The following PCDHGA1 variants were observed in gnomAD, a reference collection of about 807,000 sequenced individuals.
PCDHGA1 encodes protocadherin gamma-A1.
Under a neutral mutation model 58.0 loss-of-function variants are expected in PCDHGA1, and 32 were observed. The ratio of observed to expected loss-of-function variants is 0.55; its 90% CI spans 0.42 to 0.74. PCDHGA1 has a LOEUF of 0.74. PCDHGA1 is among the 30% of genes least tolerant of loss of function. PCDHGA1 has a pLI of 0.00. For missense variants in PCDHGA1, 1,205 were observed against 1,182.3 expected (o/e 1.02, Z -0.28); for synonymous variants, 498 against 501.1 (o/e 0.99, Z 0.08).
chr5:141,419,426 G>A (rs753089031), intron 1 of PCDHGA1: 19 of 1,613,194 alleles, frequency 1.2e-5, no homozygotes, highest in Non-Finnish European at 1.5e-5. Context: ...CTTCGACCAC[G>A]AGCAGCTGCG....
chr5:141,351,459 T>C lies in PCDHGA1; in HGVS notation c.2421+18354T>C, dbSNP rs770562462. On this transcript the variant is annotated intron_variant, in intron 1 of 3. Coordinates refer to ENST00000517417, the MANE Select transcript of PCDHGA1 (RefSeq NM_018912.3). ...TCCACCTCGAAGAATTATTACAAGC[T>C]GGTGATTGCTGGAGCCCTAAACCGG... 17 of 1,613,546 alleles carry C rather than the reference T, an allele frequency of 1.1e-5. No individual in the cohort carries two copies. In the South Asian group the frequency reaches 1.9e-4, roughly 18 times the overall value.
At chr5:141,503,801 G>A (rs920669425) in intron 2 of PCDHGA1, among the ~76,000 whole-genome samples, 1 of 151,990 alleles carries the variant, frequency 6.6e-6, no homozygotes, top group Admixed American at 6.6e-5. Flanking sequence ...ACTTAGGGAC[G>A]GGGAATCCCA....
At chr5:141,502,782 T>C (rs1200280465) in intron 2 of PCDHGA1, among the ~76,000 whole-genome samples, 1 of 152,132 alleles carries the variant, frequency 6.6e-6, no homozygotes, top group African/African-American at 2.4e-5. Context: ...GAAAATTACC[T>C]GGATGATTTC....
At chr5:141,468,960 T>TC (rs1562019766) in intron 1 of PCDHGA1, among the ~76,000 whole-genome samples, 1 of 151,348 alleles carries the variant, frequency 6.6e-6, no homozygotes, top group African/African-American at 2.4e-5. Flanking sequence ...TGGTTTTTTT[T>TC]ACCTTAGGCT....
At chr5:141,462,071 C>T (rs1473972601) in intron 1 of PCDHGA1, among the ~76,000 whole-genome samples, 1 of 152,214 alleles carries the variant, frequency 6.6e-6, no homozygotes, top group African/African-American at 2.4e-5. Context: ...GATCTGCCCG[C>T]CTTGGCCTCC....
Position 141,487,367 on chromosome 5 carries a change from G to A in PCDHGA1, c.2422-7440G>A. 1 of 1,614,204 alleles carries A rather than the reference G, an allele frequency of 6.2e-7. No individual in the cohort carries two copies. The highest frequency in any genetic ancestry group is 8.5e-7 in the Non-Finnish European group (1 of 1,180,030). ...CACATGCTTTCCTGCTGGCACCTGT[G>A]CCTGTCTCACCAGATCTCGAAGGAG... On this transcript the variant is annotated intron_variant, in intron 1 of 3. Coordinates refer to ENST00000517417, the MANE Select transcript of PCDHGA1 (RefSeq NM_018912.3). This position sits in a 1 kb window ranked among gnomAD's most constrained non-coding sequence, Gnocchi z 5.0.
intron 1 of PCDHGA1, chr5:141,357,701 A>T: frequency 6.7e-7 from 1 of 1,500,850 alleles, no homozygotes; most frequent in Non-Finnish European, 8.9e-7. Flanking sequence ...TTTATATGTA[A>T]TATATCAAAT....
chr5:141,456,703 G>A (rs528071544), intron 1 of PCDHGA1, among the ~76,000 whole-genome samples: 37 of 152,180 alleles, frequency 2.4e-4, no homozygotes, highest in Non-Finnish European at 4.9e-4. Context: ...GGTGGCTCGC[G>A]CCTGTAATCC....
chr5:141,408,863 C>T, intron 1 of PCDHGA1: 1 of 1,613,604 alleles, frequency 6.2e-7, no homozygotes, highest in Non-Finnish European at 8.5e-7. Context: ...AGGGGACCCA[C>T]CAAGAAGTGC....
chr5:141,414,498 C>CT (rs748856262), intron 1 of PCDHGA1: 40 of 1,613,848 alleles, frequency 2.5e-5, no homozygotes, highest in Non-Finnish European at 3.3e-5. Context: ...CGGAAGCTCA[C>CT]TTTATGCTAC....
Position 141,489,091 on chromosome 5 carries a change from T to A in PCDHGA1, c.2422-5716T>A. 1.9e-4 allele frequency: 63 copies of A among 332,802 alleles called. No individual in the cohort carries two copies. Among genetic ancestry groups the A allele is most frequent in the East Asian group, 2.9e-4 (6 of 20,542 alleles). The allele number at this position is 332,802 out of a possible 1,614,324, so 20.6% of individuals were successfully genotyped here. A position where few individuals can be genotyped will look rare whatever the true frequency, so the allele number is the denominator to read the frequency against. ...CTGCCCACCCCCGCCACTCGGTGAC[T>A]AAGAACTGCTGCAAGCAGGCAAACC... On this transcript the variant is annotated intron_variant, in intron 1 of 3. Transcript: ENST00000517417. This position sits in a 1 kb window ranked among gnomAD's most constrained non-coding sequence, Gnocchi z 4.5.
rs774439162 is a variant in PCDHGA1 at position 141,360,155 on chromosome 5, G to T, written c.2421+27050G>T. 2.5e-6 allele frequency: 4 copies of T among 1,603,962 alleles called. No individual in the cohort carries two copies. In the South Asian group the frequency reaches 4.5e-5, roughly 18 times the overall value. On this transcript the variant is annotated intron_variant, in intron 1 of 3. Transcript: ENST00000517417. The stretch of plus-strand genomic sequence containing the variant: ...CAGAAGATGAAAGCGAGCTCAGGGA[G>T]GTGCGGGCTGGTGCGGTGGCTGCAG...
At chr5:141,408,765 G>A (rs1276364659) in intron 1 of PCDHGA1, 1 of 1,611,036 alleles carries the variant, frequency 6.2e-7, no homozygotes, top group East Asian at 2.2e-5. Context: ...AATTCCGATG[G>A]TGGCAAATAC....
chr5:141,446,778 T>C (rs2098515519), intron 1 of PCDHGA1, among the ~76,000 whole-genome samples: 1 of 152,116 alleles, frequency 6.6e-6, no homozygotes, highest in South Asian at 2.1e-4. Flanking sequence ...GTTACCATTC[T>C]TTTACTCTGA....
At chr5:141,422,345 A>G in intron 1 of PCDHGA1, 1 of 1,551,648 alleles carries the variant, frequency 6.4e-7, no homozygotes, top group South Asian at 1.3e-5. Context: ...CTAAATGTGC[A>G]AGATCAAGAT....
At chr5:141,458,094 A>G (rs1036190372) in intron 1 of PCDHGA1, among the ~76,000 whole-genome samples, 3 of 152,260 alleles carry the variant, frequency 2.0e-5, no homozygotes, top group African/African-American at 7.2e-5. Context: ...AGTTAAGAGT[A>G]CTTACAGATA....
chr5:141,382,690 G>T, intron 1 of PCDHGA1: 1 of 448,422 alleles, frequency 2.2e-6, no homozygotes, highest in Middle Eastern at 5.6e-4. Flanking sequence ...AGGGAAAAAT[G>T]GTGCGAGAGA....
At chr5:141,375,802 T>A (rs754541889) in intron 1 of PCDHGA1, 3 of 1,614,190 alleles carry the variant, frequency 1.9e-6, no homozygotes, top group East Asian at 2.2e-5. Flanking sequence ...ACGGTTCCAC[T>A]GGCGTGGAGC....
chr5:141,339,653 A>C, intron 1 of PCDHGA1: 1 of 1,614,178 alleles, frequency 6.2e-7, no homozygotes, highest in South Asian at 1.1e-5. Flanking sequence ...CACCTCCCGC[A>C]TCTGCGTGAA....
Sources: allele counts gnomAD v4.1 joint callset (sites outside exome capture counted in the v4.1 genomes callset), GRCh38; gene constraint gnomAD v4.1.1; non-coding constraint Gnocchi (gnomAD v3.1); transcripts MANE v1.5; gene names NCBI Gene and HGNC (gene_info 2026-07-23, HGNC 2026-07-21).